Variants in PDPK1 observed in about 807,000 individuals in gnomAD.
The protein encoded by PDPK1 is 3-phosphoinositide-dependent protein kinase 1.
Under a neutral mutation model 39.8 loss-of-function variants are expected in PDPK1, and 7 were observed. The ratio of observed to expected loss-of-function variants is 0.18; its 90% confidence interval spans 0.10 to 0.33. PDPK1 has a LOEUF of 0.33. PDPK1 is among the 10% of genes least tolerant of loss of function. The pLI is 1.00. For missense variants in PDPK1, 182 were observed against 384.7 expected (o/e 0.47, Z 4.41); for synonymous variants, 118 against 159.1 (o/e 0.74, Z 1.95).
intron 1 of PDPK1, among the ~76,000 whole-genome samples, chr16:2,544,766 A>G (rs1260830451): frequency 6.6e-6 from 1 of 151,572 alleles, no homozygotes; most frequent in African/African-American, 2.4e-5. Flanking sequence ...TTGTATTTTT[A>G]GTAGAGACGG....
At chr16:2,558,007 T>G (rs375958515) in intron 2 of PDPK1, 44 bp downstream of exon 2, 2 of 1,601,376 alleles carry the variant, frequency 1.2e-6, no homozygotes, top group Non-Finnish European at 1.7e-6. Flanking sequence ...CGTGATTTCC[T>G]TGGGGAGGCT....
chr16:2,546,156 T>A (rs1370738527), intron 1 of PDPK1, among the ~76,000 whole-genome samples: 1 of 151,982 alleles, frequency 6.6e-6, no homozygotes, highest in Non-Finnish European at 1.5e-5. Flanking sequence ...CGATCTCGGC[T>A]CACTGCAACC....
Position 2,593,331 on chromosome 16 carries a change from A to G in PDPK1, c.1344-2462A>G. The G allele has an allele frequency of 5.8e-6, 2 of 345,142 alleles. No individual in the cohort carries two copies. The highest frequency in any genetic ancestry group is 1.6e-4 in the East Asian group (2 of 12,194). 21.4% of individuals were successfully genotyped at this position (345,142 alleles called of 1,614,324 possible). A position where few individuals can be genotyped will look rare whatever the true frequency, so the allele number is the denominator to read the frequency against. ...GCACTGTGAATTTGCTGTGGGGTGCAGCTGATGGCCCATGGCGGCTGTATC... is the reference window on the plus strand; with the variant it reads ...GCACTGTGAATTTGCTGTGGGGTGCGGCTGATGGCCCATGGCGGCTGTATC... On this transcript the variant is annotated intron_variant, in intron 11 of 13. Transcript: ENST00000342085. The surrounding 1 kb of genome is among the most constrained non-coding windows in gnomAD (Gnocchi z 4.2).
chr16:2,592,674 TA>T (rs879549251), intron 11 of PDPK1: 38,561 of 295,344 alleles, frequency 0.13, no homozygotes, highest in South Asian at 0.21. Flanking sequence ...GACTCTGTCT[TA>T]AAAAAAAAAA....
chr16:2,595,046 G>A (rs2067072833), intron 11 of PDPK1, among the ~76,000 whole-genome samples: 1 of 152,128 alleles, frequency 6.6e-6, no homozygotes, highest in African/African-American at 2.4e-5. Flanking sequence ...TGGCTTGAGC[G>A]CAGGAGATTG....
intron 1 of PDPK1, among the ~76,000 whole-genome samples, chr16:2,541,792 C>T (rs1253221031): frequency 1.4e-4 from 22 of 152,190 alleles, no homozygotes; most frequent in African/African-American, 5.3e-4. Context: ...TATTCACTTG[C>T]TCAGTGTGAT....
At position 2,598,957 on chromosome 16, in the gene PDPK1, C is replaced by T. The variant is rs1287030376; in HGVS notation, c.*1190C>T. 4.3e-6 allele frequency: 1 copy of T among 233,214 alleles called. No homozygotes were observed. Among genetic ancestry groups the T allele is most frequent in the African/African-American group, 2.2e-5 (1 of 45,364 alleles). 14.4% of individuals were successfully genotyped at this position (233,214 alleles called of 1,614,324 possible). On this transcript the variant is annotated 3_prime_UTR_variant, in exon 14 of 14. Coordinates refer to ENST00000342085, the MANE Select transcript of PDPK1 (RefSeq NM_002613.5). The stretch of plus-strand genomic sequence containing the variant: ...GGCTCATCTGGGCCCATAGAGTGGG[C>T]TTTGCCAGTTGCTGTTGCACAGGAG...
At chr16:2,592,202 C>T (rs34610373) in intron 11 of PDPK1, among the ~76,000 whole-genome samples, 6,414 of 152,270 alleles carry the variant, frequency 0.042, 188 homozygotes, top group Middle Eastern at 0.1. Context: ...TGGCAAGAAC[C>T]TGCGCTTTGG....
At chr16:2,595,427 G>A (rs977802925) in intron 11 of PDPK1, among the ~76,000 whole-genome samples, 1 of 152,152 alleles carries the variant, frequency 6.6e-6, no homozygotes, top group African/African-American at 2.4e-5. Flanking sequence ...GCCACCTTTC[G>A]GGAGGCAGTT....
At chr16:2,588,657 C>T (rs1264028708) in intron 11 of PDPK1, among the ~76,000 whole-genome samples, 1 of 152,138 alleles carries the variant, frequency 6.6e-6, no homozygotes. Flanking sequence ...TTCCCCTTCC[C>T]ACTTCCTTCA....
chr16:2,577,774 C>T (rs2066743657), intron 7 of PDPK1, among the ~76,000 whole-genome samples: 1 of 149,638 alleles, frequency 6.7e-6, no homozygotes. Context: ...GAGTCTCGCT[C>T]TGTCTCCAGA....
chr16:2,577,471 G>A lies in PDPK1; in HGVS notation c.756G>A (p.Glu252=), dbSNP rs139543796. The change falls in exon 7 of 14, where the codon GAG becomes GAA. Residue 252 remains glutamate, a synonymous_variant. Coordinates refer to ENST00000342085, the MANE Select transcript of PDPK1 (RefSeq NM_002613.5). The stretch of plus-strand genomic sequence containing the variant: ...GAACAGCGCAGTACGTTTCTCCAGA[G>A]CTGCTCACGGAGAAGTCCGCCTGTA... ...FVGTAQYVSP[E]LLTEKSACKS... 3.8e-5 allele frequency: 58 copies of A among 1,529,746 alleles called. 5 individuals carry two copies. The African/African-American group carries it at 4.0e-4, about 10-fold the overall frequency. The allele number at this position is 1,529,746 out of a possible 1,614,324, so 94.8% of individuals were successfully genotyped here.
At chr16:2,579,292 G>C (rs1275562283) in intron 7 of PDPK1, 1 of 75,316 alleles carries the variant, frequency 1.3e-5, no homozygotes, top group African/African-American at 6.6e-5. Context: ...GGGGGTGGGC[G>C]GGGGGGGGGC....
At chr16:2,551,727 C>T (rs1303703441) in intron 1 of PDPK1, among the ~76,000 whole-genome samples, 23 of 147,690 alleles carry the variant, frequency 1.6e-4, no homozygotes, top group Non-Finnish European at 2.7e-4. Flanking sequence ...AATGCGGTGA[C>T]GCAATCTCTG....
At chr16:2,586,617 G>GT (rs2066880694) in intron 10 of PDPK1, 59 bp from the exon 11 acceptor site, 2 of 1,494,482 alleles carry the variant, frequency 1.3e-6, no homozygotes, top group Non-Finnish European at 1.9e-6. Context: ...AGGGGCTGGG[G>GT]TTTTAGGACC....
In PDPK1 at chr16:2,597,635, G is replaced by C. The variant is rs1468393731; in HGVS notation, c.1555-16G>C. 1.9e-6 allele frequency: 3 copies of C among 1,578,694 alleles called. No individual in the cohort carries two copies. In the African/African-American group the frequency reaches 4.0e-5, roughly 21 times the overall value. ...GGGACTCCCTGGAGAACACTAAACG[G>C]CTTCTGTCTTCGCAGCCTAACAGGA... On this transcript the variant is annotated splice_polypyrimidine_tract_variant and intron_variant, in intron 13 of 13. Transcript: ENST00000342085. The surrounding 1 kb of genome is among the most constrained non-coding windows in gnomAD (Gnocchi z 6.3).
chr16:2,591,440 G>A lies in PDPK1; in HGVS notation c.1344-4353G>A, dbSNP rs528948217. On this transcript the variant is annotated intron_variant, in intron 11 of 13. Coordinates refer to ENST00000342085, the MANE Select transcript of PDPK1 (RefSeq NM_002613.5). Reference sequence around the variant, plus strand: ...ACGGTGTGTGGAAATGTATTGTTACGAGTCAGATTTCACATTGCAACCGAG... The same window carrying A: ...ACGGTGTGTGGAAATGTATTGTTACAAGTCAGATTTCACATTGCAACCGAG... Among the ~76,000 whole-genome samples, 18 of 152,324 alleles carry A rather than the reference G, an allele frequency of 1.2e-4. 1 individual carries two copies. The highest frequency in any genetic ancestry group is 4.1e-4 in the South Asian group (2 of 4,834).
chr16:2,588,154 A>G (rs952970942), intron 11 of PDPK1, among the ~76,000 whole-genome samples: 2 of 152,216 alleles, frequency 1.3e-5, no homozygotes, highest in African/African-American at 2.4e-5. Context: ...CCACGGCTCT[A>G]TGCGGTTCGC....
intron 1 of PDPK1, among the ~76,000 whole-genome samples, chr16:2,543,429 AGGGCT>A (rs1167172375): frequency 3.1e-5 from 3 of 95,418 alleles, no homozygotes; most frequent in African/African-American, 4.5e-5. Context: ...CTGGTGAGGG[AGGGCT>A]CCAAGGACTT....
Sources: gnomAD v4.1 joint callset for allele counts (sites outside exome capture counted in the v4.1 genomes callset) on GRCh38, gnomAD v4.1.1 for gene constraint, Gnocchi (gnomAD v3.1) non-coding constraint, MANE v1.5 for transcripts, NCBI Gene and HGNC (gene_info 2026-07-23, HGNC 2026-07-21) for gene names.